The following CDH23 variants were observed in gnomAD, a reference collection of about 807,000 sequenced individuals.
CDH23 encodes the protein cadherin-23.
CDH23 carries 189 observed loss-of-function variants against 317.1 expected under a neutral mutation model. The ratio of observed to expected loss-of-function variants is 0.60; its 90% CI spans 0.53 to 0.67. The LOEUF is 0.67. CDH23 is among the 30% of genes least tolerant of loss of function. The pLI is 0.00. For synonymous variants in CDH23, 1,839 were observed against 1,876.8 expected, an observed-to-expected ratio of 0.98 and a Z score of 0.52; for missense variants, 4,401 against 4,592.4, an observed-to-expected ratio of 0.96 and a Z score of 1.20.
At chr10:71,447,084 T>C (rs2132025456) in intron 3 of CDH23, among the ~76,000 whole-genome samples, 1 of 152,310 alleles carries the variant, frequency 6.6e-6, no homozygotes, top group Middle Eastern at 3.4e-3. Flanking sequence ...CATGTCATTC[T>C]CGCTGGTGTC....
At chr10:71,485,711 T>A (rs974931558) in intron 3 of CDH23, among the ~76,000 whole-genome samples, 1 of 152,104 alleles carries the variant, frequency 6.6e-6, no homozygotes, top group Admixed American at 6.5e-5. Context: ...AGAGAAGCAG[T>A]GTGGGGTGGG....
At position 71,741,740 on chromosome 10, in the gene CDH23, G is replaced by A. The variant is rs727502927; in HGVS notation, c.4664G>A (p.Arg1555His). 73 of 1,612,244 alleles carry A rather than the reference G, an allele frequency of 4.5e-5. No homozygotes were observed. In the Admixed American group the frequency reaches 4.7e-4, roughly 10 times the overall value. ...GTGGTCCAGGTGAGAGCCACTGACC[G>A]TGACATCGGGATCAACAGTGTTCTG... ...TAVVQVRATDRDIGINSVLSY... is the reference protein window; with the variant it reads ...TAVVQVRATDHDIGINSVLSY... The change falls in exon 38 of 70, where the codon CGT (arginine) becomes CAT (histidine). Residue 1555 changes from arginine to histidine, a missense_variant. This residue lies in a region of CDH23 where 3,068 missense variants were observed against 3,203.3 expected (regional missense o/e 0.96). Coordinates refer to ENST00000224721, the MANE Select transcript of CDH23 (RefSeq NM_022124.6).
chr10:71,530,346 C>T (rs1855301322), intron 6 of CDH23, among the ~76,000 whole-genome samples: 2 of 152,226 alleles, frequency 1.3e-5, no homozygotes, highest in Non-Finnish European at 2.9e-5. Context: ...CTTCCTCTCA[C>T]CCTGCCGGTG....
rs1840895417 is a variant in CDH23, at chr10:71,779,370, G to T, written c.5291G>T (p.Trp1764Leu). ...VTEGQPGPRVWTFLAHDRDSG... is the reference protein window; with the variant it reads ...VTEGQPGPRVLTFLAHDRDSG... ...GAGGGCCAGCCGGGGCCCAGAGTGT[G>T]GACCTTCCTGGCCCATGACCGAGAC... Residue 1764 changes from tryptophan (W) to leucine (L), a missense_variant, in exon 41 of 70, where the codon TGG (tryptophan) becomes TTG (leucine). Trp to Leu is a moderately conservative substitution (Grantham distance 61). Around this residue, in one of 3 missense-constraint regions of CDH23, gnomAD observed 3,068 missense variants for 3,203.3 expected, o/e 0.96. Coordinates refer to ENST00000224721, the MANE Select transcript of CDH23 (RefSeq NM_022124.6). The T allele has an allele frequency of 6.2e-7, 1 of 1,613,936 alleles. No homozygotes were observed. The highest frequency in any genetic ancestry group is 1.1e-5 in the South Asian group (1 of 91,074).
rs118106594 is a variant in CDH23, at chr10:71,483,574, C to T, written c.146-26508C>T. ...TGGCACTTTCCCCCACTAGCTCCCA[C>T]GTGCAAGTGCGTCTTAATCACTGCA... On this transcript the variant is annotated intron_variant, in intron 3 of 69. Transcript: ENST00000224721. 4.9e-3 allele frequency among the ~76,000 whole-genome samples: 744 copies of T among 152,302 alleles called. 1 individual carries two copies. Among genetic ancestry groups the T allele is most frequent in the Admixed American group, 7.4e-3 (114 of 15,304 alleles).
intron 28 of CDH23, among the ~76,000 whole-genome samples, chr10:71,723,677 C>T (rs1866669679): frequency 6.6e-6 from 1 of 152,172 alleles, no homozygotes; most frequent in Non-Finnish European, 1.5e-5. Context: ...CTGGGAGAGG[C>T]TCCTGGGCTC....
intron 1 of CDH23, among the ~76,000 whole-genome samples, chr10:71,401,643 G>C (rs991055654): frequency 6.6e-5 from 10 of 152,194 alleles, no homozygotes; most frequent in Admixed American, 3.9e-4. Flanking sequence ...AGACAAAAGA[G>C]TAAAGCATGT....
intron 3 of CDH23, among the ~76,000 whole-genome samples, chr10:71,458,776 G>A (rs988996611): frequency 9.9e-5 from 15 of 152,224 alleles, no homozygotes; most frequent in African/African-American, 3.1e-4. Context: ...TTAAAGTAAG[G>A]GTTTTTTGTT....
intron 3 of CDH23, among the ~76,000 whole-genome samples, chr10:71,498,223 G>T (rs953511503): frequency 6.6e-6 from 1 of 152,314 alleles, no homozygotes; most frequent in East Asian, 1.9e-4. Context: ...TCTAGGCCCG[G>T]CTGATTCTCT....
At chr10:71,706,849 T>G (rs1865805746) in intron 25 of CDH23, 48 bp from the exon 26 acceptor site, 2 of 1,546,604 alleles carry the variant, frequency 1.3e-6, no homozygotes, top group South Asian at 2.4e-5. Context: ...AGCTGGGTCT[T>G]CTGCGGCAGA....
At chr10:71,640,387 G>A (rs751467459) in intron 11 of CDH23, among the ~76,000 whole-genome samples, 4 of 152,190 alleles carry the variant, frequency 2.6e-5, no homozygotes, top group Non-Finnish European at 5.9e-5. Context: ...CTTCTTCCCA[G>A]CATCACTCTA....
chr10:71,742,633 A>G lies in CDH23; in HGVS notation c.4845+712A>G, dbSNP rs141567742. 1.4e-3 allele frequency among the ~76,000 whole-genome samples: 209 copies of G among 152,332 alleles called. No homozygotes were observed. In the Middle Eastern group the frequency reaches 0.017, roughly 12 times the overall value. On this transcript the variant is annotated intron_variant, in intron 38 of 69. Transcript: ENST00000224721. Reference sequence around the variant, plus strand: ...CTTGAGCAAGTCAGAACCTCTCAGCATATCGCTTTTGTCATCTGCAAAAGG... The same window carrying G: ...CTTGAGCAAGTCAGAACCTCTCAGCGTATCGCTTTTGTCATCTGCAAAAGG...
chr10:71,595,328 T>C (rs1859765964), intron 9 of CDH23, among the ~76,000 whole-genome samples: 2 of 152,074 alleles, frequency 1.3e-5, no homozygotes, highest in South Asian at 4.1e-4. Flanking sequence ...GATCTTTCTG[T>C]ATCCCTCCCC....
intron 6 of CDH23, 41 bp from the exon 7 acceptor site, chr10:71,566,701 G>A (rs773852745): frequency 1.7e-5 from 26 of 1,531,832 alleles, no homozygotes; most frequent in Middle Eastern, 1.7e-4. Flanking sequence ...CAGCTGCTCC[G>A]CACTGGCTCA....
At chr10:71,685,251 G>A (rs998035071) in intron 18 of CDH23, among the ~76,000 whole-genome samples, 7 of 152,222 alleles carry the variant, frequency 4.6e-5, no homozygotes, top group African/African-American at 1.4e-4. Context: ...GCTTGCAGGT[G>A]ATGTGGATGC....
chr10:71,778,352 C>T (rs10740390), intron 40 of CDH23, 44 bp downstream of exon 40: 62 of 1,609,828 alleles, frequency 3.9e-5, no homozygotes, highest in Non-Finnish European at 5.1e-5. Flanking sequence ...TGGAGGTTGG[C>T]GAAGGATGGG....
chr10:71,574,381 C>T (rs377746328), intron 8 of CDH23, among the ~76,000 whole-genome samples: 32 of 152,312 alleles, frequency 2.1e-4, no homozygotes, highest in Middle Eastern at 3.4e-3. Flanking sequence ...GTGAAAAGAG[C>T]GGATAAACTG....
intron 1 of CDH23, among the ~76,000 whole-genome samples, chr10:71,413,571 A>G (rs1848422055): frequency 6.6e-6 from 1 of 152,250 alleles, no homozygotes. Context: ...TGCTTTGGGC[A>G]GTAGTGTATC....
chr10:71,629,646 G>A lies in CDH23; in HGVS notation c.1134+12253G>A, dbSNP rs114184419. ...GAAACTGAATGTGATGCCTTCATGC[G>A]GTGGGCCATTATTCAGCCATTGCAG... On this transcript the variant is annotated intron_variant, in intron 11 of 69. Coordinates refer to ENST00000224721, the MANE Select transcript of CDH23 (RefSeq NM_022124.6). Among the ~76,000 whole-genome samples the A allele has an allele frequency of 7.2e-3, 1,101 of 152,318 alleles. 13 individuals carry two copies. Among genetic ancestry groups the A allele is most frequent in the African/African-American group, 0.025 (1,057 of 41,558 alleles).
Sources: gnomAD v4.1 joint callset for allele counts (sites outside exome capture counted in the v4.1 genomes callset) on GRCh38, gnomAD v4.1.1 for gene constraint, gnomAD v4.1.1 regional missense constraint, MANE v1.5 for transcripts, NCBI Gene and HGNC (gene_info 2026-07-23, HGNC 2026-07-21) for gene names.